IQCH: variants seen among roughly 807,000 people sequenced by gnomAD.
IQCH encodes the protein IQ motif containing H, also known as IQ domain-containing protein H.
IQCH carries 98 observed loss-of-function variants against 117.0 expected under a neutral mutation model. The ratio of observed to expected loss-of-function variants is 0.84; its 90% CI spans 0.71 to 0.99. The LOEUF is 0.99. Among genes scored for constraint, IQCH ranks in the 50% least tolerant of loss-of-function variants. IQCH has a pLI of 0.00. For synonymous variants in IQCH, 412 were observed against 448.2 expected, an observed-to-expected ratio of 0.92 and a Z score of 1.02; for missense variants, 1,102 against 1,243.8, an observed-to-expected ratio of 0.89 and a Z score of 1.72.
chr15:67,273,602 T>C (rs531033949), intron 3 of IQCH, among the ~76,000 whole-genome samples: 1 of 152,244 alleles, frequency 6.6e-6, no homozygotes, highest in Admixed American at 6.5e-5. Context: ...GGTCTCACCT[T>C]ACATAGTTTT....
At chr15:67,363,301 T>C (rs555907157) in intron 8 of IQCH, among the ~76,000 whole-genome samples, 1 of 150,892 alleles carries the variant, frequency 6.6e-6, no homozygotes, top group South Asian at 2.1e-4. Context: ...AGTGGCATGA[T>C]CTCGGCTCAC....
In IQCH at chr15:67,386,326, T is replaced by C. The variant is rs1297573088; in HGVS notation, c.1456+1307T>C. Among the ~76,000 whole-genome samples the C allele has an allele frequency of 6.6e-6, 1 of 152,182 alleles. No individual in the cohort carries two copies. Among genetic ancestry groups the C allele is most frequent in the East Asian group, 1.9e-4 (1 of 5,198 alleles). On this transcript the variant is annotated intron_variant, in intron 11 of 20. Transcript: ENST00000335894. The surrounding 1 kb of genome is among the most constrained non-coding windows in gnomAD (Gnocchi z 5.0). ...ACTTGAAAGTATTAGGCTTCTATTT[T>C]AAACAACTCAATAATTCAGTCTGTC...
At chr15:67,318,870 C>T (rs1301218861) in intron 4 of IQCH, among the ~76,000 whole-genome samples, 1 of 152,162 alleles carries the variant, frequency 6.6e-6, no homozygotes, top group Non-Finnish European at 1.5e-5. Flanking sequence ...CCTATCCTTG[C>T]ACTCTATACG....
At chr15:67,441,122 CAAAAAAAAAAAAAAAAAAAAAA>C (rs200254535) in intron 16 of IQCH, among the ~76,000 whole-genome samples, 1 of 53,974 alleles carries the variant, frequency 1.9e-5, no homozygotes, top group Non-Finnish European at 3.7e-5. Flanking sequence ...GCAATAGCTG[CAAAAAAAAAAAAAAAAAAAAAA>C]AAAAAAAAAG....
At chr15:67,464,558 G>A (rs2141020512) in intron 16 of IQCH, among the ~76,000 whole-genome samples, 1 of 152,272 alleles carries the variant, frequency 6.6e-6, no homozygotes, top group Admixed American at 6.5e-5. Flanking sequence ...TGACATTGTA[G>A]GACTGGTAAA....
intron 7 of IQCH, among the ~76,000 whole-genome samples, chr15:67,358,198 C>CTTTTTTTTTTTTTTTTTTTTTTT (rs1190464651): frequency 1.8e-4 from 1 of 5,458 alleles, no homozygotes; most frequent in Non-Finnish European, 3.9e-4. Flanking sequence ...TCATGAGGCA[C>CTTTTTTTTTTTTTTTTTTTTTTT]TTTCTTTTCT....
chr15:67,385,165 A>G lies in IQCH; in HGVS notation c.1456+146A>G. 2.2e-6 allele frequency: 1 copy of G among 445,814 alleles called. No individual in the cohort carries two copies. The highest frequency in any genetic ancestry group is 4.0e-6 in the Non-Finnish European group (1 of 248,444). 27.6% of individuals were successfully genotyped at this position (445,814 alleles called of 1,614,324 possible). On this transcript the variant is annotated intron_variant, in intron 11 of 20. Transcript: ENST00000335894. This position sits in a 1 kb window ranked among gnomAD's most constrained non-coding sequence, Gnocchi z 4.6. ...AGATGTTTAATCTACTTACAGGGCA[A>G]TTAAATGTTTTATTTTAAAAAACAT... is the stretch of plus-strand genomic sequence containing the variant.
Position 67,279,485 on chromosome 15 carries a change from A to G in IQCH, c.360A>G (p.Ser120=), listed in dbSNP as rs1406362672. ...GGCAACCCCAAAGACAGCACAGTTC[A>G]TCTCTGCCTGTCTTTCCAAGAGCAA... The part of the protein sequence containing the change: ...TFWQPQRQHS[S]SLPVFPRAKI... The change falls in exon 4 of 21, where the codon TCA becomes TCG. Residue 120 remains serine (S), a synonymous_variant. Transcript: ENST00000335894. 1 of 1,601,504 alleles carries G rather than the reference A, an allele frequency of 6.2e-7. No individual in the cohort carries two copies.
chr15:67,470,821 G>A (rs2083054864), intron 17 of IQCH, among the ~76,000 whole-genome samples: 1 of 152,080 alleles, frequency 6.6e-6, no homozygotes, highest in Non-Finnish European at 1.5e-5. Context: ...ATCCTACAAA[G>A]GTAACCACCA....
chr15:67,343,637 G>A (rs948657866), intron 5 of IQCH, among the ~76,000 whole-genome samples: 5 of 152,166 alleles, frequency 3.3e-5, no homozygotes, highest in Admixed American at 1.3e-4. Context: ...TACAACAGGG[G>A]CATGGTTTCA....
At position 67,372,575 on chromosome 15, in the gene IQCH, G is replaced by A; in HGVS notation, c.1218G>A (p.Trp406Ter). The A allele has an allele frequency of 6.2e-7, 1 of 1,614,034 alleles. No individual in the cohort carries two copies. The highest frequency in any genetic ancestry group is 8.5e-7 in the Non-Finnish European group (1 of 1,179,992). The change falls in exon 9 of 21, where the codon TGG becomes TGA. Residue 406 changes from tryptophan to a stop codon, truncating the protein, a stop_gained. Transcript: ENST00000335894. LOFTEE classifies it high-confidence loss of function. ...CATCAGGTGTGATTGCCATTGCTTG[G>A]CTGTTATATTGCCATAAGACTCGAC... ...KWASGVIAIA[W>*]LLYCHKTRLK...
intron 4 of IQCH, among the ~76,000 whole-genome samples, chr15:67,324,952 T>G (rs1968337565): frequency 6.6e-6 from 1 of 152,032 alleles, no homozygotes; most frequent in African/African-American, 2.4e-5. Flanking sequence ...TAAGCTTCTG[T>G]TTTTTTAACA....
intron 16 of IQCH, among the ~76,000 whole-genome samples, chr15:67,449,179 G>A (rs1447542901): frequency 6.6e-6 from 1 of 152,008 alleles, no homozygotes; most frequent in African/African-American, 2.4e-5. Context: ...TAGGTTGCCT[G>A]TTCACTCTGA....
chr15:67,384,219 T>C lies in IQCH; in HGVS notation c.1373-717T>C, dbSNP rs1971033775. 6.6e-6 allele frequency among the ~76,000 whole-genome samples: 1 copy of C among 152,178 alleles called. No individual in the cohort carries two copies. The highest frequency in any genetic ancestry group is 2.4e-5 in the African/African-American group (1 of 41,460). On this transcript the variant is annotated intron_variant, in intron 10 of 20. Coordinates refer to ENST00000335894, the MANE Select transcript of IQCH (RefSeq NM_001031715.3). This position sits in a 1 kb window ranked among gnomAD's most constrained non-coding sequence, Gnocchi z 4.3. ...CATGCTTTTTAAGTTTATGTTTTGATTCACTTTTTTTAATGACCTGAAATA... is the reference window on the plus strand; with the variant it reads ...CATGCTTTTTAAGTTTATGTTTTGACTCACTTTTTTTAATGACCTGAAATA...
chr15:67,283,374 CAG>C (rs949000442), intron 4 of IQCH, among the ~76,000 whole-genome samples: 12 of 152,134 alleles, frequency 7.9e-5, no homozygotes, highest in African/African-American at 1.7e-4. Flanking sequence ...TTTACTGAAA[CAG>C]ATAACATTTT....
intron 3 of IQCH, among the ~76,000 whole-genome samples, chr15:67,278,669 C>G (rs1413658528): frequency 6.6e-6 from 1 of 152,154 alleles, no homozygotes; most frequent in African/African-American, 2.4e-5. Context: ...TGGAGTGAAA[C>G]TAGAACTCCG....
chr15:67,442,873 T>TAC lies in IQCH; in HGVS notation c.2505+21297_2505+21298insCA, dbSNP rs1266345218. ...ATAGATAGATAGATAGATATACATA[T>TAC]ATATATATATAAAATACATATAGAT... On this transcript the variant is annotated intron_variant, in intron 16 of 20. Transcript: ENST00000335894. Among the ~76,000 whole-genome samples, 792 of 120,170 alleles carry TAC rather than the reference T, an allele frequency of 6.6e-3. 3 individuals carry two copies. Among genetic ancestry groups the TAC allele is most frequent in the East Asian group, 0.021 (81 of 3,830 alleles). The allele number at this position is 120,170 out of a possible 152,430, so 78.8% of individuals were successfully genotyped here. A position where few individuals can be genotyped will look rare whatever the true frequency, so the allele number is the denominator to read the frequency against.
intron 16 of IQCH, among the ~76,000 whole-genome samples, chr15:67,460,126 C>G (rs1285782592): frequency 6.6e-6 from 1 of 152,154 alleles, no homozygotes; most frequent in Admixed American, 6.5e-5. Context: ...TTAATACTTT[C>G]TTATTAATGA....
At chr15:67,316,142 C>G (rs1482817560) in intron 4 of IQCH, among the ~76,000 whole-genome samples, 1 of 152,070 alleles carries the variant, frequency 6.6e-6, no homozygotes, top group Non-Finnish European at 1.5e-5. Context: ...TAAGATTGTT[C>G]CTAAGAAAAC....
Sources: gnomAD v4.1 joint callset for allele counts (sites outside exome capture counted in the v4.1 genomes callset) on GRCh38, gnomAD v4.1.1 for gene constraint, Gnocchi (gnomAD v3.1) non-coding constraint, MANE v1.5 for transcripts, NCBI Gene and HGNC (gene_info 2026-07-23, HGNC 2026-07-21) for gene names.